BMAL1: variants seen among roughly 807,000 people sequenced by gnomAD.
BMAL1 encodes the protein basic helix-loop-helix ARNT-like protein 1.
chr11:13,381,340 G>A, the BMAL1 span: 5 of 1,298,620 alleles, frequency 3.9e-6, no homozygotes, highest in Non-Finnish European at 5.5e-6. Context: ...AATTGCAACT[G>A]CGATTGCTGA....
the BMAL1 span, chr11:13,365,721 C>A: frequency 1.5e-6 from 1 of 647,046 alleles, no homozygotes; most frequent in Non-Finnish European, 2.6e-6. Context: ...AACTTCTTAA[C>A]AGATAAATTA....
At chr11:13,278,297 A>T in the BMAL1 span, among the ~76,000 whole-genome samples, 1 of 152,166 alleles carries the variant, frequency 6.6e-6, no homozygotes, top group East Asian at 1.9e-4. Context: ...GGGGGCAGCT[A>T]GCTGCCTCTT....
chr11:13,353,833 A>G, the BMAL1 span, among the ~76,000 whole-genome samples: 1 of 152,208 alleles, frequency 6.6e-6, no homozygotes, highest in Non-Finnish European at 1.5e-5. Flanking sequence ...CTCAAAACAA[A>G]TAAAAAATAA....
At chr11:13,293,000 C>T in the BMAL1 span, among the ~76,000 whole-genome samples, 2 of 152,068 alleles carry the variant, frequency 1.3e-5, no homozygotes, top group Non-Finnish European at 2.9e-5. Flanking sequence ...TTAAGGGTGG[C>T]AAGGGGACTG....
the BMAL1 span, among the ~76,000 whole-genome samples, chr11:13,333,651 T>C: frequency 6.6e-6 from 1 of 152,242 alleles, no homozygotes; most frequent in African/African-American, 2.4e-5. Context: ...ATCTGCGCAG[T>C]GGCTGCCCAT....
the BMAL1 span, among the ~76,000 whole-genome samples, chr11:13,293,806 G>T: frequency 2.6e-5 from 4 of 152,348 alleles, no homozygotes; most frequent in East Asian, 3.9e-4. Flanking sequence ...AGAAGTGGAG[G>T]TATAGCCCAT....
the BMAL1 span, among the ~76,000 whole-genome samples, chr11:13,383,221 G>A: frequency 2.0e-5 from 3 of 152,150 alleles, no homozygotes; most frequent in Non-Finnish European, 4.4e-5. Flanking sequence ...TCCATAGGTC[G>A]CAAGAGAGTA....
chr11:13,303,098 A>G, the BMAL1 span, among the ~76,000 whole-genome samples: 1 of 152,182 alleles, frequency 6.6e-6, no homozygotes. Context: ...GGTAGGTACT[A>G]TTACTTCCCC....
the BMAL1 span, among the ~76,000 whole-genome samples, chr11:13,371,872 CT>C: frequency 1.3e-5 from 2 of 152,180 alleles, no homozygotes; most frequent in Non-Finnish European, 2.9e-5. Flanking sequence ...ACCTCCTCTA[CT>C]GGTTTTTTGG....
At chr11:13,386,990 G>A in the BMAL1 span, 1 of 405,154 alleles carries the variant, frequency 2.5e-6, no homozygotes, top group Non-Finnish European at 4.4e-6. Context: ...GCTGTGGATA[G>A]CTTGCATTAA....
At chr11:13,317,014 G>C in the BMAL1 span, among the ~76,000 whole-genome samples, 1 of 152,148 alleles carries the variant, frequency 6.6e-6, no homozygotes, top group African/African-American at 2.4e-5. Flanking sequence ...CTGTAAAATG[G>C]GATTGTAATC....
At chr11:13,386,451 AAGAT>A in the BMAL1 span, 16 of 831,294 alleles carry the variant, frequency 1.9e-5, no homozygotes, top group Non-Finnish European at 2.8e-5. Context: ...GATATAAAAA[AAGAT>A]AGCCATGCAG....
the BMAL1 span, among the ~76,000 whole-genome samples, chr11:13,342,250 G>A: frequency 2.0e-5 from 3 of 152,328 alleles, no homozygotes; most frequent in South Asian, 4.1e-4. Context: ...AGGCCAGTGA[G>A]CACGCACTGG....
chr11:13,363,089 CTTGA>C, the BMAL1 span, among the ~76,000 whole-genome samples: 8 of 134,762 alleles, frequency 5.9e-5, no homozygotes, highest in African/African-American at 8.2e-5. Context: ...GGGGTACAGG[CTTGA>C]TTATTTTAAG....
the BMAL1 span, among the ~76,000 whole-genome samples, chr11:13,384,915 C>T: frequency 6.6e-6 from 1 of 151,960 alleles, no homozygotes; most frequent in Non-Finnish European, 1.5e-5. Flanking sequence ...CTTTGGAGTC[C>T]TCAATGATTT....
the BMAL1 span, among the ~76,000 whole-genome samples, chr11:13,364,312 G>T: frequency 6.6e-6 from 1 of 152,338 alleles, no homozygotes; most frequent in African/African-American, 2.4e-5. Flanking sequence ...GCCTGCCAGG[G>T]TCTTAAGCAA....
the BMAL1 span, chr11:13,385,537 C>T: frequency 5.1e-6 from 3 of 590,432 alleles, no homozygotes; most frequent in Admixed American, 5.9e-5. Flanking sequence ...TTACTCTGAC[C>T]ATGTCTGTCT....
At chr11:13,324,998 G>A in the BMAL1 span, among the ~76,000 whole-genome samples, 1 of 152,240 alleles carries the variant, frequency 6.6e-6, no homozygotes, top group Non-Finnish European at 1.5e-5. Flanking sequence ...GATGCTGAGT[G>A]TTGTGCTAGA....
At chr11:13,364,713 G>C in the BMAL1 span, among the ~76,000 whole-genome samples, 4 of 152,264 alleles carry the variant, frequency 2.6e-5, no homozygotes, top group African/African-American at 9.6e-5. Flanking sequence ...ACCTGCTTCA[G>C]TCTCTTTACC....
Sources: gnomAD v4.1 joint callset for allele counts (sites outside exome capture counted in the v4.1 genomes callset) on GRCh38, gnomAD v4.1.1 for gene constraint, MANE v1.5 for transcripts, NCBI Gene and HGNC (gene_info 2026-07-23, HGNC 2026-07-21) for gene names.